The following CSMD2 variants were observed in gnomAD, a reference collection of about 807,000 sequenced individuals.
CSMD2 encodes the protein CUB and sushi domain-containing protein 2.
In CSMD2, 130 loss-of-function variants were observed where a neutral mutation model predicts 398.5. That is an observed-to-expected ratio of 0.33 (90% CI 0.28 to 0.38). The LOEUF (loss-of-function observed/expected upper bound fraction) is 0.38, where lower values mean the gene tolerates loss of function less well. CSMD2 is among the 10% of genes least tolerant of loss of function. The pLI, the probability that CSMD2 is intolerant of heterozygous loss-of-function variation, is 1.00. For missense variants in CSMD2, 3,829 were observed against 4,764.9 expected (o/e 0.80, Z 5.78); for synonymous variants, 1,828 against 1,908.5 (o/e 0.96, Z 1.10).
chr1:33,922,564 T>C (rs1643981050), intron 4 of CSMD2, among the ~76,000 whole-genome samples: 1 of 152,158 alleles, frequency 6.6e-6, no homozygotes, highest in Admixed American at 6.5e-5. Context: ...GAAACCCAAC[T>C]AGATATTCCA....
At chr1:33,850,414 G>A (rs1282012234) in intron 5 of CSMD2, among the ~76,000 whole-genome samples, 1 of 152,214 alleles carries the variant, frequency 6.6e-6, no homozygotes, top group African/African-American at 2.4e-5. Context: ...AGTGGCAGAG[G>A]TGGGATTTAA....
At chr1:33,547,744 T>G (rs568064303) in intron 56 of CSMD2, among the ~76,000 whole-genome samples, 1 of 152,378 alleles carries the variant, frequency 6.6e-6, no homozygotes, top group South Asian at 2.1e-4. Context: ...TGCCAGGATG[T>G]AATTCACACA....
intron 5 of CSMD2, among the ~76,000 whole-genome samples, chr1:33,868,508 T>G (rs925965056): frequency 6.6e-6 from 1 of 151,830 alleles, no homozygotes; most frequent in African/African-American, 2.4e-5. Flanking sequence ...GAGGCCGAGG[T>G]GGGTGTTTCA....
chr1:33,591,198 G>A (rs1639428345), intron 44 of CSMD2, among the ~76,000 whole-genome samples: 1 of 152,066 alleles, frequency 6.6e-6, no homozygotes, highest in Non-Finnish European at 1.5e-5. Flanking sequence ...ATGTTGGTCA[G>A]GCTGGTCTAG....
At chr1:33,900,252 T>C (rs1314060395) in intron 5 of CSMD2, among the ~76,000 whole-genome samples, 1 of 152,212 alleles carries the variant, frequency 6.6e-6, no homozygotes, top group Non-Finnish European at 1.5e-5. Context: ...GATTAGTTGG[T>C]AGCAGAATTG....
intron 1 of CSMD2, among the ~76,000 whole-genome samples, chr1:34,113,331 G>C (rs1161775587): frequency 6.6e-6 from 1 of 152,200 alleles, no homozygotes; most frequent in African/African-American, 2.4e-5. Flanking sequence ...CAGCGACCCA[G>C]GACCTGTGAC....
chr1:33,818,391 A>G (rs1236425154), intron 9 of CSMD2, among the ~76,000 whole-genome samples: 5 of 152,202 alleles, frequency 3.3e-5, no homozygotes, highest in African/African-American at 1.2e-4. Context: ...CTCATGTTCT[A>G]CTGGCATGAG....
intron 2 of CSMD2, among the ~76,000 whole-genome samples, chr1:34,046,108 C>G (rs1652490669): frequency 2.0e-5 from 3 of 152,178 alleles, no homozygotes; most frequent in Non-Finnish European, 4.4e-5. Context: ...AAGCTACCTT[C>G]CGTTAGATGA....
chr1:34,075,076 G>A (rs931742486), intron 2 of CSMD2, among the ~76,000 whole-genome samples: 4 of 152,224 alleles, frequency 2.6e-5, no homozygotes, highest in Non-Finnish European at 5.9e-5. Flanking sequence ...CTGATACCTG[G>A]CATTCCTGTT....
chr1:34,017,541 G>A (rs1648296804), intron 3 of CSMD2, among the ~76,000 whole-genome samples: 1 of 152,160 alleles, frequency 6.6e-6, no homozygotes, highest in Non-Finnish European at 1.5e-5. Context: ...AGGATCATTT[G>A]AGCCCAGGTG....
chr1:33,743,224 T>A, intron 14 of CSMD2, 56 bp downstream of exon 14: 1 of 1,464,652 alleles, frequency 6.8e-7, no homozygotes, highest in East Asian at 2.3e-5. Flanking sequence ...CCTTCGATCA[T>A]CCTCAGAGGC....
chr1:33,547,733 T>C (rs1657046070), intron 56 of CSMD2, among the ~76,000 whole-genome samples: 1 of 152,232 alleles, frequency 6.6e-6, no homozygotes, highest in South Asian at 2.1e-4. Context: ...CTTTTGAAGG[T>C]TGCCAGGATG....
chr1:33,941,719 T>TA (rs1322629513), intron 3 of CSMD2, among the ~76,000 whole-genome samples: 3 of 152,326 alleles, frequency 2.0e-5, no homozygotes, highest in African/African-American at 7.2e-5. Context: ...ATAGCATACT[T>TA]ACTCTGTGCT....
chr1:33,995,573 G>C (rs16836161), intron 3 of CSMD2, among the ~76,000 whole-genome samples: 9,951 of 152,148 alleles, frequency 0.065, 526 homozygotes, highest in East Asian at 0.16. Flanking sequence ...GCAAAACTTC[G>C]ATTCCTCCAA....
intron 21 of CSMD2, among the ~76,000 whole-genome samples, chr1:33,711,817 T>C (rs1460020801): frequency 6.6e-6 from 1 of 152,142 alleles, no homozygotes; most frequent in Non-Finnish European, 1.5e-5. Flanking sequence ...CCCACACGCC[T>C]GATACCTTTA....
rs370471136 is a variant in CSMD2 at position 33,709,390 on chromosome 1, T to C, written c.3407-132A>G. 626 of 705,424 alleles carry C rather than the reference T, an allele frequency of 8.9e-4. 11 individuals are homozygous for C. The South Asian group carries it at 0.011, about 13-fold the overall frequency. 43.7% of individuals were successfully genotyped at this position (705,424 alleles called of 1,614,324 possible). Reference sequence around the variant, plus strand: ...CTACCTGCCAAGGTGCCTGCGTGTCTGTCCAGTTGTTGGACTGTCTACAGA... The same window carrying C: ...CTACCTGCCAAGGTGCCTGCGTGTCCGTCCAGTTGTTGGACTGTCTACAGA... On this transcript the variant is annotated intron_variant, in intron 21 of 70. Transcript: ENST00000373381.
chr1:33,563,730 T>C (rs190636775), intron 53 of CSMD2, among the ~76,000 whole-genome samples: 2 of 152,172 alleles, frequency 1.3e-5, no homozygotes, highest in East Asian at 3.9e-4. Flanking sequence ...AGTTATTTGC[T>C]GAGAACGTAG....
intron 15 of CSMD2, among the ~76,000 whole-genome samples, chr1:33,736,414 G>A (rs1646886798): frequency 6.6e-6 from 1 of 151,872 alleles, no homozygotes. Context: ...CTGGGAGGTG[G>A]AGCTTGCAGT....
chr1:33,917,485 C>T (rs1296608749), intron 5 of CSMD2, among the ~76,000 whole-genome samples: 2 of 152,204 alleles, frequency 1.3e-5, no homozygotes, highest in African/African-American at 4.8e-5. Context: ...GGATAAGCAA[C>T]GATGGCTTCA....
Sources: gnomAD v4.1 joint callset for allele counts (sites outside exome capture counted in the v4.1 genomes callset) on GRCh38, gnomAD v4.1.1 for gene constraint, MANE v1.5 for transcripts, NCBI Gene and HGNC (gene_info 2026-07-23, HGNC 2026-07-21) for gene names.